CLIP4: variants seen among roughly 807,000 people sequenced by gnomAD.
The protein encoded by CLIP4 is CAP-Gly domain-containing linker protein 4.
In CLIP4, 47 loss-of-function variants were observed where a neutral mutation model predicts 73.1. That is an observed-to-expected ratio of 0.64 (90% CI 0.51 to 0.82). The LOEUF (loss-of-function observed/expected upper bound fraction) is 0.82, where lower values mean the gene tolerates loss of function less well. Ranked by LOEUF, CLIP4 falls within the 40% of genes least tolerant of loss-of-function variation. The pLI is 0.00. For synonymous variants in CLIP4, 306 were observed against 295.4 expected (o/e 1.04, Z -0.37); for missense variants, 874 against 852.9 (o/e 1.02, Z -0.31).
chr2:29,165,429 G>A (rs62132797), intron 13 of CLIP4, among the ~76,000 whole-genome samples: 20,847 of 152,200 alleles, frequency 0.14, 1,842 homozygotes, highest in Middle Eastern at 0.23. Context: ...AGGAAAGTAA[G>A]TCACAAGGGG....
rs189885543 is a variant in CLIP4 at position 29,133,954 on chromosome 2, T to G, written c.529+138T>G. ...TTTCTACTCCATTTTATTTCTGAGA[T>G]AGTTTAAAATTTCTTTATTGAGTAT... On this transcript the variant is annotated intron_variant, in intron 5 of 15. Transcript: ENST00000320081. 5.9e-6 allele frequency: 4 copies of G among 683,578 alleles called. No individual in the cohort carries two copies. The African/African-American group carries it at 7.3e-5, about 12-fold the overall frequency. The allele number at this position is 683,578 out of a possible 1,614,324, so 42.3% of individuals were successfully genotyped here.
chr2:29,101,077 A>C (rs1401558536), intron 1 of CLIP4, among the ~76,000 whole-genome samples: 1 of 151,980 alleles, frequency 6.6e-6, no homozygotes, highest in African/African-American at 2.4e-5. Flanking sequence ...GATCACCTGA[A>C]GTAGGAGTTT....
Position 29,182,899 on chromosome 2 carries a change from T to A in CLIP4, c.*1006T>A, listed in dbSNP as rs993208673. 1.5e-4 allele frequency: 23 copies of A among 152,648 alleles called. No homozygotes were observed. Among genetic ancestry groups the A allele is most frequent in the African/African-American group, 5.1e-4 (21 of 41,466 alleles). The allele number at this position is 152,648 out of a possible 1,614,324, so 9.5% of individuals were successfully genotyped here. A position where few individuals can be genotyped will look rare whatever the true frequency, so the allele number is the denominator to read the frequency against. On this transcript the variant is annotated 3_prime_UTR_variant, in exon 16 of 16. Coordinates refer to ENST00000320081, the MANE Select transcript of CLIP4 (RefSeq NM_024692.6). ...ACAGAAGAGAGCAAATAAAGATATA[T>A]CAGGAAGGATGTATTAGTTATTTAC...
At chr2:29,166,666 C>A (rs546052164) in intron 13 of CLIP4, among the ~76,000 whole-genome samples, 1 of 152,240 alleles carries the variant, frequency 6.6e-6, no homozygotes, top group East Asian at 1.9e-4. Flanking sequence ...CACTCCCTCT[C>A]AACTGTCTGT....
At chr2:29,104,250 AG>A (rs1264173353) in intron 1 of CLIP4, among the ~76,000 whole-genome samples, 1 of 152,020 alleles carries the variant, frequency 6.6e-6, no homozygotes, top group Non-Finnish European at 1.5e-5. Context: ...GATCCTTCAC[AG>A]ACCAAATCTC....
chr2:29,132,183 G>C lies in CLIP4; in HGVS notation c.305G>C (p.Arg102Thr), dbSNP rs1360245301. The C allele has an allele frequency of 6.2e-7, 1 of 1,613,850 alleles. No homozygotes were observed. The highest frequency in any genetic ancestry group is 1.7e-5 in the Admixed American group (1 of 59,994). Residue 102 changes from arginine (R) to threonine (T), a missense_variant, in exon 4 of 16, where the codon AGA becomes ACA. Coordinates refer to ENST00000320081, the MANE Select transcript of CLIP4 (RefSeq NM_024692.6). ...AAGAGAGGTTGCAATGTGAATGATA[G>C]AGATGGATTGACAGATATGACTCTT... ...ILKRGCNVND[R>T]DGLTDMTLLH...
intron 11 of CLIP4, among the ~76,000 whole-genome samples, chr2:29,157,925 T>C (rs1191400486): frequency 1.3e-5 from 2 of 152,244 alleles, no homozygotes; most frequent in Non-Finnish European, 2.9e-5. Context: ...AAAGCCATCT[T>C]GGCAAAATAC....
chr2:29,136,648 A>G (rs1045317837), intron 6 of CLIP4, among the ~76,000 whole-genome samples: 3 of 152,112 alleles, frequency 2.0e-5, no homozygotes, highest in African/African-American at 7.2e-5. Flanking sequence ...CAAGGCTTCA[A>G]CAGGGGGTGA....
At chr2:29,125,041 A>T (rs1276066349) in intron 2 of CLIP4, among the ~76,000 whole-genome samples, 1 of 152,186 alleles carries the variant, frequency 6.6e-6, no homozygotes, top group East Asian at 1.9e-4. Flanking sequence ...GTTCTGGGAT[A>T]CAGTTTAGTT....
rs138089074 is a variant in CLIP4, at chr2:29,170,705, T to G, written c.1723+3165T>G. Among the ~76,000 whole-genome samples, 546 of 152,336 alleles carry G rather than the reference T, an allele frequency of 3.6e-3. 2 individuals are homozygous for G. The highest frequency in any genetic ancestry group is 0.012 in the African/African-American group (485 of 41,570). On this transcript the variant is annotated intron_variant, in intron 14 of 15. Transcript: ENST00000320081. ...AGATCACTCTGATTTTTGTCCTGTGTTATCTTCTAGGAGTTTTATAGTTTT... is the reference window on the plus strand; with the variant it reads ...AGATCACTCTGATTTTTGTCCTGTGGTATCTTCTAGGAGTTTTATAGTTTT...
chr2:29,146,672 A>G (rs1251515782), intron 8 of CLIP4, among the ~76,000 whole-genome samples: 1 of 151,902 alleles, frequency 6.6e-6, no homozygotes, highest in African/African-American at 2.4e-5. Flanking sequence ...GTGGTGTGGT[A>G]TGATGATGAT....
chr2:29,134,691 A>G (rs951000024), intron 5 of CLIP4, among the ~76,000 whole-genome samples: 11 of 152,186 alleles, frequency 7.2e-5, no homozygotes, highest in African/African-American at 2.4e-4. Context: ...TAGGATTTGC[A>G]GAACCAGAGG....
At chr2:29,121,333 C>T (rs1664233889) in intron 1 of CLIP4, 41 bp from the exon 2 acceptor site, 3 of 1,542,178 alleles carry the variant, frequency 1.9e-6, no homozygotes, top group South Asian at 1.3e-5. Flanking sequence ...AAGTTGCATA[C>T]AAATAAAGTA....
chr2:29,098,165 A>T (rs944598426), intron 1 of CLIP4, among the ~76,000 whole-genome samples: 1 of 152,210 alleles, frequency 6.6e-6, no homozygotes, highest in Non-Finnish European at 1.5e-5. Context: ...TCAGTTCAGC[A>T]CTCCAAACTT....
intron 2 of CLIP4, chr2:29,129,916 AC>A (rs1664855109): frequency 8.9e-6 from 4 of 447,986 alleles, no homozygotes; most frequent in Non-Finnish European, 1.4e-5. Context: ...GTGTTTTTGG[AC>A]CCCATCTTTG....
In CLIP4 at chr2:29,182,907, G is replaced by A. The variant is rs1435362476; in HGVS notation, c.*1014G>A. ...GAGCAAATAAAGATATATCAGGAAG[G>A]ATGTATTAGTTATTTACTTAAATGT... On this transcript the variant is annotated 3_prime_UTR_variant, in exon 16 of 16. Coordinates refer to ENST00000320081, the MANE Select transcript of CLIP4 (RefSeq NM_024692.6). The A allele has an allele frequency of 6.6e-6, 1 of 152,524 alleles. No homozygotes were observed. The highest frequency in any genetic ancestry group is 2.4e-5 in the African/African-American group (1 of 41,412). The allele number at this position is 152,524 out of a possible 1,614,324, so 9.4% of individuals were successfully genotyped here.
At chr2:29,111,552 T>C (rs1281755578), upstream of CLIP4, among the ~76,000 whole-genome samples, 1 of 152,268 alleles carries the variant, frequency 6.6e-6, no homozygotes, top group Admixed American at 6.5e-5. Context: ...AATGCTTGCT[T>C]GCCATTCTGG....
intron 9 of CLIP4, 76 bp from the exon 10 acceptor site, chr2:29,156,278 T>A (rs2148039089): frequency 1.1e-6 from 1 of 889,330 alleles, no homozygotes; most frequent in Non-Finnish European, 1.7e-6. Context: ...TAATGAGGGA[T>A]GCATGTACTT....
At chr2:29,151,103 A>G (rs1558554436) in intron 8 of CLIP4, among the ~76,000 whole-genome samples, 1 of 152,112 alleles carries the variant, frequency 6.6e-6, no homozygotes, top group African/African-American at 2.4e-5. Flanking sequence ...TTTTCCTCCT[A>G]TTTAGAGTAT....
Sources: allele counts gnomAD v4.1 joint callset (sites outside exome capture counted in the v4.1 genomes callset), GRCh38; gene constraint gnomAD v4.1.1; transcripts MANE v1.5; gene names NCBI Gene and HGNC (gene_info 2026-07-23, HGNC 2026-07-21).